TLK1: variants seen among roughly 807,000 people sequenced by gnomAD.
TLK1 encodes tousled like kinase 1, also known as serine/threonine-protein kinase tousled-like 1.
A neutral mutation model predicts 105.3 loss-of-function variants in TLK1; 24 were observed. That is an observed-to-expected ratio of 0.23 (90% CI 0.17 to 0.32). The LOEUF is 0.32. Among genes scored for constraint, TLK1 ranks in the 10% least tolerant of loss-of-function variants. The pLI, the probability that TLK1 is intolerant of heterozygous loss-of-function variation, is 1.00. For missense variants in TLK1, 558 were observed against 910.5 expected (o/e 0.61, Z 4.98); for synonymous variants, 321 against 310.4 (o/e 1.03, Z -0.36).
intron 19 of TLK1, among the ~76,000 whole-genome samples, chr2:170,997,484 ACTT>A (rs1259334411): frequency 6.6e-6 from 1 of 152,184 alleles, no homozygotes; most frequent in Non-Finnish European, 1.5e-5. Flanking sequence ...ACAGATAGTT[ACTT>A]CTTTTCTTAA....
At chr2:171,170,998 C>T (rs1376556400) in intron 1 of TLK1, among the ~76,000 whole-genome samples, 1 of 152,008 alleles carries the variant, frequency 6.6e-6, no homozygotes, top group East Asian at 1.9e-4. Flanking sequence ...TCACACCAAA[C>T]ACAAAAATAT....
chr2:171,178,930 T>C (rs1268560680), intron 1 of TLK1, among the ~76,000 whole-genome samples: 1 of 152,224 alleles, frequency 6.6e-6, no homozygotes, highest in African/African-American at 2.4e-5. Context: ...TTTATTACAT[T>C]GGATAATTCA....
chr2:171,025,403 GAA>G (rs939605481), intron 12 of TLK1, among the ~76,000 whole-genome samples: 2 of 152,180 alleles, frequency 1.3e-5, no homozygotes, highest in African/African-American at 4.8e-5. Flanking sequence ...TCAGTGCTAA[GAA>G]AGTTAGTCTA....
At chr2:171,131,134 TATAG>T (rs1300251431) in intron 1 of TLK1, among the ~76,000 whole-genome samples, 31 of 152,052 alleles carry the variant, frequency 2.0e-4, no homozygotes, top group African/African-American at 4.3e-4. Flanking sequence ...TACAGAGATA[TATAG>T]ATAGATACAG....
chr2:171,156,802 CAG>C (rs145670217), intron 1 of TLK1, among the ~76,000 whole-genome samples: 2,396 of 152,252 alleles, frequency 0.016, 60 homozygotes, highest in African/African-American at 0.052. Context: ...AATATGGAAA[CAG>C]AGGAAGTTTA....
At chr2:171,146,417 C>A (rs1691794400) in intron 1 of TLK1, among the ~76,000 whole-genome samples, 1 of 152,012 alleles carries the variant, frequency 6.6e-6, no homozygotes, top group Admixed American at 6.6e-5. Context: ...CAGCATATGA[C>A]CCATCTGATA....
In TLK1 at chr2:171,146,893, C is replaced by T. The variant is rs1484349349; in HGVS notation, c.139+13397G>A. ...ACTGTGATTCCTGAATTTCCGGTTT[C>T]TACCTCAGTAGGCCTCCTTAAGGCC... On this transcript the variant is annotated intron_variant, in intron 1 of 20. Coordinates refer to ENST00000431350, the MANE Select transcript of TLK1 (RefSeq NM_012290.5). Among the ~76,000 whole-genome samples, 9 of 152,356 alleles carry T rather than the reference C, an allele frequency of 5.9e-5. No homozygotes were observed. In the East Asian group the frequency reaches 1.7e-3, roughly 29 times the overall value.
chr2:171,029,060 A>T (rs1187203237), intron 11 of TLK1, among the ~76,000 whole-genome samples: 1 of 152,188 alleles, frequency 6.6e-6, no homozygotes, highest in African/African-American at 2.4e-5. Flanking sequence ...TGGCATATAA[A>T]TAGAAGAGAA....
intron 3 of TLK1, among the ~76,000 whole-genome samples, chr2:171,079,204 T>C (rs1348589762): frequency 1.3e-5 from 2 of 152,216 alleles, no homozygotes; most frequent in Non-Finnish European, 2.9e-5. Flanking sequence ...TCTGTATACC[T>C]TCTTTTCATA....
intron 4 of TLK1, among the ~76,000 whole-genome samples, chr2:171,059,532 TTTC>T: frequency 6.6e-6 from 1 of 152,334 alleles, no homozygotes; most frequent in Admixed American, 6.5e-5. Context: ...CCCTGATTTT[TTTC>T]TTTTTTTAAA....
chr2:171,076,627 T>C (rs1026936194), intron 3 of TLK1, among the ~76,000 whole-genome samples: 4 of 151,056 alleles, frequency 2.6e-5, no homozygotes, highest in Non-Finnish European at 5.9e-5. Flanking sequence ...GAGCAGGACG[T>C]GGTGGCTCAC....
Position 171,160,321 on chromosome 2 carries a change from A to T in TLK1, c.108T>A (p.Asn36Lys). 6.3e-7 allele frequency: 1 copy of T among 1,597,332 alleles called. No individual in the cohort carries two copies. The highest frequency in any genetic ancestry group is 1.4e-5 in the African/African-American group (1 of 73,178). The change falls in exon 1 of 21, where the codon AAT becomes AAA. Residue 36 changes from asparagine to lysine, a missense_variant. Asn to Lys is a moderately conservative substitution (Grantham distance 94). Transcript: ENST00000431350. The surrounding 1 kb of genome is among the most constrained non-coding windows in gnomAD (Gnocchi z 4.4). ...GSAAAARSLL[N>K]HTPPSGRPRE... The stretch of plus-strand genomic sequence containing the variant: ...TGGGCCTCCCGGATGGCGGCGTGTG[A>T]TTCAGCAGGGACCTGGCCGCCGCCG...
rs1402696009 is a variant in TLK1 at position 171,160,775 on chromosome 2, A to G, written c.-347T>C. ...GGCGGAGCGCGGGCTGCGCCGGCCG[A>G]GGACACTTCCGCGGGCGGAACCTGC... On this transcript the variant is annotated 5_prime_UTR_variant, in exon 1 of 21. Transcript: ENST00000431350. The surrounding 1 kb of genome is among the most constrained non-coding windows in gnomAD (Gnocchi z 4.4). 1.2e-5 allele frequency: 5 copies of G among 409,246 alleles called. No homozygotes were observed. Among genetic ancestry groups the G allele is most frequent in the African/African-American group, 4.3e-5 (2 of 46,400 alleles). 25.4% of individuals were successfully genotyped at this position (409,246 alleles called of 1,614,324 possible). A position where few individuals can be genotyped will look rare whatever the true frequency, so the allele number is the denominator to read the frequency against.
chr2:171,152,266 A>T (rs1255039466), intron 1 of TLK1, among the ~76,000 whole-genome samples: 1 of 152,236 alleles, frequency 6.6e-6, no homozygotes, highest in Non-Finnish European at 1.5e-5. Flanking sequence ...ATATTTGGCT[A>T]ATGAATCTAT....
upstream of TLK1, chr2:171,160,941 A>C: frequency 5.0e-6 from 1 of 199,148 alleles, no homozygotes; most frequent in Non-Finnish European, 9.3e-6. The surrounding 1 kb of genome is among the most constrained non-coding windows in gnomAD (Gnocchi z 4.4). Flanking sequence ...TGCAAACACT[A>C]TCGCGAGGCT....
intron 12 of TLK1, among the ~76,000 whole-genome samples, chr2:171,020,437 G>A (rs1480379179): frequency 1.3e-5 from 2 of 151,916 alleles, no homozygotes; most frequent in Non-Finnish European, 1.5e-5. Context: ...CTACTTGAGA[G>A]GCTGAGGCAG....
At chr2:171,122,794 G>T (rs116642944) in intron 1 of TLK1, among the ~76,000 whole-genome samples, 2 of 151,958 alleles carry the variant, frequency 1.3e-5, no homozygotes, top group Admixed American at 1.3e-4. Flanking sequence ...ATCCCAGCAC[G>T]TTGGGAGACT....
At chr2:171,058,721 T>A (rs1276977626) in intron 4 of TLK1, among the ~76,000 whole-genome samples, 2 of 152,190 alleles carry the variant, frequency 1.3e-5, no homozygotes, top group Admixed American at 1.3e-4. Flanking sequence ...CGCTATTTTT[T>A]AAATATTTTG....
chr2:171,130,544 G>A (rs999882302), intron 1 of TLK1, among the ~76,000 whole-genome samples: 1 of 152,118 alleles, frequency 6.6e-6, no homozygotes, highest in East Asian at 1.9e-4. Flanking sequence ...CCTAAATGAT[G>A]TTTACTTACT....
Sources: gnomAD v4.1 joint callset for allele counts (sites outside exome capture counted in the v4.1 genomes callset) on GRCh38, gnomAD v4.1.1 for gene constraint, Gnocchi (gnomAD v3.1) non-coding constraint, MANE v1.5 for transcripts, NCBI Gene and HGNC (gene_info 2026-07-23, HGNC 2026-07-21) for gene names.